MUC5AC: variants seen among roughly 807,000 people sequenced by gnomAD.
The protein encoded by MUC5AC is mucin 5AC, oligomeric mucus/gel-forming.
Under a neutral mutation model 169.7 loss-of-function variants are expected in MUC5AC, and 158 were observed. The ratio of observed to expected loss-of-function variants is 0.93; its 90% CI spans 0.82 to 1.06. MUC5AC has a LOEUF of 1.06. MUC5AC is among the 50% of genes least tolerant of loss of function. The probability of loss-of-function intolerance (pLI) is 0.00; values close to 1 mark genes in which losing one functional copy is unlikely to be tolerated. For synonymous variants in MUC5AC, 1,975 were observed against 1,237.0 expected, an observed-to-expected ratio of 1.60 and a Z score of -12.52; for missense variants, 4,359 against 3,089.9, an observed-to-expected ratio of 1.41 and a Z score of -9.74.
intron 15 of MUC5AC, among the ~76,000 whole-genome samples, chr11:1,171,408 C>T (rs1860526885): frequency 8.1e-6 from 1 of 123,272 alleles, no homozygotes; most frequent in Non-Finnish European, 1.7e-5. Context: ...TTCATCCACT[C>T]ACTCACCTCA....
rs1055054073 is a variant in MUC5AC at position 1,175,208 on chromosome 11, C to G, written c.2349-10C>G. On this transcript the variant is annotated splice_polypyrimidine_tract_variant and intron_variant, in intron 18 of 48. Transcript: ENST00000621226. ...CCCAGGCTGAGGCTCTGACCACCAT[C>G]TCCTCACAGCACCTGCACACATGGG... is the stretch of plus-strand genomic sequence containing the variant. 2.3e-5 allele frequency: 9 copies of G among 398,660 alleles called. No individual in the cohort carries two copies. The highest frequency in any genetic ancestry group is 3.5e-5 in the Non-Finnish European group (8 of 226,174). The allele number at this position is 398,660 out of a possible 1,614,324, so 24.7% of individuals were successfully genotyped here. A position where few individuals can be genotyped will look rare whatever the true frequency, so the allele number is the denominator to read the frequency against.
In MUC5AC at chr11:1,187,633, G is replaced by A. The variant is rs1447469113; in HGVS notation, c.9488G>A (p.Ser3163Asn). 1.6e-5 allele frequency: 12 copies of A among 764,074 alleles called. No individual in the cohort carries two copies. Among genetic ancestry groups the A allele is most frequent in the Non-Finnish European group, 2.6e-5 (11 of 417,424 alleles). The allele number at this position is 764,074 out of a possible 1,614,324, so 47.3% of individuals were successfully genotyped here. The part of the protein sequence containing the change: ...GTTPSPVPTT[S>N]TIFAPRTSTT... The stretch of plus-strand genomic sequence containing the variant: ...ACTCCCAGCCCTGTTCCCACCACCA[G>A]CACAATCTTTGCTCCTAGAACCAGC... Residue 3163 changes from serine (S) to asparagine (N), a missense_variant, in exon 31 of 49, where the codon AGC becomes AAC. Ser to Asn is a conservative substitution (Grantham distance 46). Transcript: ENST00000621226.
In MUC5AC at chr11:1,189,850, G is replaced by A; in HGVS notation, c.11705G>A (p.Ser3902Asn). Reference protein sequence around the residue: ...TSSTSSTPQTSKTSAATSSTT... With the variant: ...TSSTSSTPQTNKTSAATSSTT... ...AGCACAAGCTCCACTCCACAGACCA[G>A]CAAAACCTCAGCTGCTACAAGCAGC... The change falls in exon 31 of 49, where the codon AGC (serine) becomes AAC (asparagine). Residue 3902 changes from serine (S) to asparagine (N), a missense_variant. By Grantham distance (46) the Ser-to-Asn change is conservative. Transcript: ENST00000621226. 1 of 761,416 alleles carries A rather than the reference G, an allele frequency of 1.3e-6. No homozygotes were observed. The highest frequency in any genetic ancestry group is 2.4e-6 in the Non-Finnish European group (1 of 415,910). The allele number at this position is 761,416 out of a possible 1,614,324, so 47.2% of individuals were successfully genotyped here.
Position 1,199,220 on chromosome 11 carries a change from G to A in MUC5AC, c.16395+35G>A, listed in dbSNP as rs1401585750. ...GGCTGCCACAAAGAGGAAGGGCAGG[G>A]TCTGGGAGCACTGGGGCATGTGGGG... On this transcript the variant is annotated intron_variant, in intron 45 of 48. Coordinates refer to ENST00000621226, the MANE Select transcript of MUC5AC (RefSeq NM_001304359.2). 6.7e-6 allele frequency: 5 copies of A among 741,204 alleles called. No individual in the cohort carries two copies. In the East Asian group the frequency reaches 1.0e-4, roughly 15 times the overall value. The allele number at this position is 741,204 out of a possible 1,614,324, so 45.9% of individuals were successfully genotyped here.
chr11:1,198,088 G>A, intron 42 of MUC5AC, 84 bp downstream of exon 42: 1 of 643,184 alleles, frequency 1.6e-6, no homozygotes. Context: ...CCAGATGCCA[G>A]TGCGGCTTGT....
chr11:1,174,787 G>T, intron 17 of MUC5AC, 95 bp from the exon 18 acceptor site: 1 of 458,900 alleles, frequency 2.2e-6, no homozygotes, highest in South Asian at 4.0e-5. Context: ...GAGGAGGGGA[G>T]GGGAGGGTAG....
intron 15 of MUC5AC, 28 bp downstream of exon 15, chr11:1,169,054 G>A (rs1480058526): frequency 9.2e-6 from 14 of 1,523,654 alleles, no homozygotes; most frequent in Non-Finnish European, 1.1e-5. Context: ...TCGCCTCTGT[G>A]CTGGCCGCCT....
At position 1,183,186 on chromosome 11, in the gene MUC5AC, A is replaced by C. The variant is rs1860851947; in HGVS notation, c.5041A>C (p.Thr1681Pro). 1 of 373,470 alleles carries C rather than the reference A, an allele frequency of 2.7e-6. No individual in the cohort carries two copies. Among genetic ancestry groups the C allele is most frequent in the Non-Finnish European group, 4.5e-6 (1 of 224,516 alleles). The allele number at this position is 373,470 out of a possible 1,614,324, so 23.1% of individuals were successfully genotyped here. Reference sequence around the variant, plus strand: ...GACGGTGAACGTGTGCAGAGACATCACCAGACTGCCAAAGACCGTCGCAAC... The same window carrying C: ...GACGGTGAACGTGTGCAGAGACATCCCCAGACTGCCAAAGACCGTCGCAAC... ...CETVNVCRDI[T>P]RLPKTVATTR... The change falls in exon 31 of 49, where the codon ACC becomes CCC. Residue 1681 changes from threonine (T) to proline (P), a missense_variant. Transcript: ENST00000621226.
rs2133764458 is a variant in MUC5AC, at chr11:1,189,757, C to A, written c.11612C>A (p.Thr3871Lys). Residue 3871 changes from threonine to lysine, a missense_variant, in exon 31 of 49, where the codon ACA becomes AAA. Physicochemically the swap from Thr to Lys is moderately conservative, Grantham distance 78. Coordinates refer to ENST00000621226, the MANE Select transcript of MUC5AC (RefSeq NM_001304359.2). ...ACAACCTCTGCTCCTACAGCCAGCA[C>A]AATCTCTGCCCCTACAACCAGCACA... ...SSTTSAPTAS[T>K]ISAPTTSTTS... The A allele has an allele frequency of 6.0e-6, 4 of 670,632 alleles. No individual in the cohort carries two copies. In the East Asian group the frequency reaches 1.1e-4, roughly 18 times the overall value. The allele number at this position is 670,632 out of a possible 1,614,324, so 41.5% of individuals were successfully genotyped here. A position where few individuals can be genotyped will look rare whatever the true frequency, so the allele number is the denominator to read the frequency against.
At position 1,189,415 on chromosome 11, in the gene MUC5AC, C is replaced by T; in HGVS notation, c.11270C>T (p.Thr3757Ile). The change falls in exon 31 of 49, where the codon ACA becomes ATA. Residue 3757 changes from threonine to isoleucine, a missense_variant. By Grantham distance (89) the Thr-to-Ile change is moderately conservative. Transcript: ENST00000621226. ...APTTSTTSAP[T>I]ASTTSAPTST... The stretch of plus-strand genomic sequence containing the variant: ...ACAACCAGCACAACCTCTGCTCCCA[C>T]AGCCAGCACAACGTCAGCTCCTACG... 1 of 572,308 alleles carries T rather than the reference C, an allele frequency of 1.7e-6. No homozygotes were observed. 35.5% of individuals were successfully genotyped at this position (572,308 alleles called of 1,614,324 possible).
At chr11:1,198,709 C>A (rs1861346117) in intron 43 of MUC5AC, among the ~76,000 whole-genome samples, 165 bp from the exon 44 acceptor site, 1 of 152,104 alleles carries the variant, frequency 6.6e-6, no homozygotes, top group African/African-American at 2.4e-5. Flanking sequence ...GCCTCTGCAC[C>A]AAGAGGTGCC....
Position 1,188,982 on chromosome 11 carries a change from G to T in MUC5AC, c.10837G>T (p.Val3613Leu), listed in dbSNP as rs1250392317. 1.9e-4 allele frequency: 132 copies of T among 687,332 alleles called. No homozygotes were observed. The highest frequency in any genetic ancestry group is 3.2e-5 in the Non-Finnish European group (12 of 379,464). 42.6% of individuals were successfully genotyped at this position (687,332 alleles called of 1,614,324 possible). A position where few individuals can be genotyped will look rare whatever the true frequency, so the allele number is the denominator to read the frequency against. The change falls in exon 31 of 49, where the codon GTG becomes TTG. Residue 3613 changes from valine (V) to leucine (L), a missense_variant. By Grantham distance (32) the Val-to-Leu change is conservative (BLOSUM62 1). Transcript: ENST00000621226. Reference sequence around the variant, plus strand: ...CTTCAAGATGTGCCTCAACTACGAGGTGCGTGTGCTTTGCTGCGAGACCCC... The same window carrying T: ...CTTCAAGATGTGCCTCAACTACGAGTTGCGTGTGCTTTGCTGCGAGACCCC... Reference protein sequence around the residue: ...GPFKMCLNYEVRVLCCETPKG... With the variant: ...GPFKMCLNYELRVLCCETPKG...
Position 1,192,498 on chromosome 11 carries a change from A to G in MUC5AC, c.14353A>G (p.Asn4785Asp). The change falls in exon 31 of 49, where the codon AAC (asparagine) becomes GAC (aspartate). Residue 4785 changes from asparagine to aspartate, a missense_variant. By Grantham distance (23) the Asn-to-Asp change is conservative. Transcript: ENST00000621226. The stretch of plus-strand genomic sequence containing the variant: ...TTACTCCACCCAAACCTGCTTCTGC[A>G]ACGTGGCTGACCGGCTCTACCCTGC... ...VAYSTQTCFC[N>D]VADRLYPAGS... is the part of the protein sequence containing the mutation. The G allele has an allele frequency of 1.3e-6, 1 of 765,072 alleles. No homozygotes were observed. The highest frequency in any genetic ancestry group is 2.4e-6 in the Non-Finnish European group (1 of 417,852). The allele number at this position is 765,072 out of a possible 1,614,324, so 47.4% of individuals were successfully genotyped here.
chr11:1,166,148 G>A (rs961240401), intron 11 of MUC5AC, among the ~76,000 whole-genome samples: 1 of 151,416 alleles, frequency 6.6e-6, no homozygotes, highest in African/African-American at 2.4e-5. Context: ...TCTCCCAGAG[G>A]AGACCCTGCA....
In MUC5AC at chr11:1,199,698, G is replaced by A. The variant is rs564736617; in HGVS notation, c.16519G>A (p.Glu5507Lys). 46 of 708,766 alleles carry A rather than the reference G, an allele frequency of 6.5e-5. No homozygotes were observed. Among genetic ancestry groups the A allele is most frequent in the Middle Eastern group, 4.7e-4 (2 of 4,272 alleles). The allele number at this position is 708,766 out of a possible 1,614,324, so 43.9% of individuals were successfully genotyped here. ...ACPPLSCSLD[E>K]ARMSKDGCCR... Reference sequence around the variant, plus strand: ...GGGCGCCCCTCTGTCGGCACAGGACGAGGCCCGCATGAGCAAGGACGGCTG... The same window carrying A: ...GGGCGCCCCTCTGTCGGCACAGGACAAGGCCCGCATGAGCAAGGACGGCTG... Residue 5507 changes from glutamate (E) to lysine (K), a missense_variant, in exon 47 of 49, where the codon GAG (glutamate) becomes AAG (lysine). Glu to Lys is a moderately conservative substitution (Grantham distance 56). Transcript: ENST00000621226.
chr11:1,163,935 A>G lies in MUC5AC; in HGVS notation c.733A>G (p.Thr245Ala), dbSNP rs1251461576. 3 of 1,611,504 alleles carry G rather than the reference A, an allele frequency of 1.9e-6. No individual in the cohort carries two copies. The highest frequency in any genetic ancestry group is 2.5e-6 in the Non-Finnish European group (3 of 1,179,474). The change falls in exon 7 of 49, where the codon ACG becomes GCG. Residue 245 changes from threonine (T) to alanine (A), a missense_variant. Thr to Ala is a moderately conservative substitution (Grantham distance 58, BLOSUM62 0). Coordinates refer to ENST00000621226, the MANE Select transcript of MUC5AC (RefSeq NM_001304359.2). ...FGNLQKMDDP[T>A]DQCQDPVPEP... is the part of the protein sequence containing the mutation. ...GAACCTGCAGAAGATGGACGACCCC[A>G]CGGACCAGTGTCAGGACCCTGTCCC... is the stretch of plus-strand genomic sequence containing the variant.
In MUC5AC at chr11:1,164,501, C is replaced by A. The variant is rs1225209662; in HGVS notation, c.1098C>A (p.Asp366Glu). 6.2e-7 allele frequency: 1 copy of A among 1,611,716 alleles called. No homozygotes were observed. Among genetic ancestry groups the A allele is most frequent in the Non-Finnish European group, 8.5e-7 (1 of 1,179,524 alleles). The change falls in exon 9 of 49, where the codon GAC (aspartate) becomes GAA (glutamate). Residue 366 changes from aspartate (D) to glutamate (E), a missense_variant. Physicochemically the swap from Asp to Glu is conservative, Grantham distance 45. Coordinates refer to ENST00000621226, the MANE Select transcript of MUC5AC (RefSeq NM_001304359.2). The part of the protein sequence containing the change: ...SNQEHSRACE[D>E]HCVAGCFCPE... ...AGGAGCACTCCCGGGCCTGTGAGGA[C>A]CACTGTGTGGCCGGCTGCTTCTGCC...
chr11:1,195,632 G>T (rs1256360390), intron 36 of MUC5AC, among the ~76,000 whole-genome samples: 1 of 138,586 alleles, frequency 7.2e-6, no homozygotes, highest in Non-Finnish European at 1.5e-5. Context: ...CAGGGGCTGG[G>T]GGGGCCAGGA....
intron 35 of MUC5AC, among the ~76,000 whole-genome samples, 151 bp from the exon 36 acceptor site, chr11:1,194,861 G>A (rs1259559339): frequency 6.6e-6 from 1 of 152,172 alleles, no homozygotes; most frequent in African/African-American, 2.4e-5. Flanking sequence ...GACTGTCCCA[G>A]GGTTGTTCTC....
Sources: allele counts gnomAD v4.1 joint callset (sites outside exome capture counted in the v4.1 genomes callset), GRCh38; gene constraint gnomAD v4.1.1; transcripts MANE v1.5; gene names NCBI Gene and HGNC (gene_info 2026-07-23, HGNC 2026-07-21).